The following STK24 variants were observed in gnomAD, a reference collection of about 807,000 sequenced individuals.
The protein encoded by STK24 is serine/threonine-protein kinase 24.
Under a neutral mutation model 55.6 loss-of-function variants are expected in STK24, and 21 were observed. That is an observed-to-expected ratio of 0.38 (90% CI 0.27 to 0.54). STK24 has a LOEUF of 0.54. STK24 is among the 20% of genes least tolerant of loss of function. The pLI, the probability that STK24 is intolerant of heterozygous loss-of-function variation, is 0.79. For missense variants in STK24, 383 were observed against 538.4 expected (o/e 0.71, Z 2.86); for synonymous variants, 200 against 215.2 (o/e 0.93, Z 0.62).
chr13:98,464,934 C>T (rs1402767611), intron 6 of STK24, among the ~76,000 whole-genome samples: 4 of 152,306 alleles, frequency 2.6e-5, no homozygotes, highest in East Asian at 1.9e-4. Flanking sequence ...CAACTGGATG[C>T]GCTTCACCAC....
At chr13:98,549,786 G>A (rs1381667239) in intron 1 of STK24, among the ~76,000 whole-genome samples, 1 of 152,110 alleles carries the variant, frequency 6.6e-6, no homozygotes, top group Non-Finnish European at 1.5e-5. Context: ...CCTGAGACAG[G>A]CACTAATTCC....
At chr13:98,484,707 A>C (rs1313247280) in intron 2 of STK24, among the ~76,000 whole-genome samples, 2 of 152,144 alleles carry the variant, frequency 1.3e-5, no homozygotes, top group East Asian at 1.9e-4. Context: ...CCTTTTAAGG[A>C]GCCCTAGCAA....
chr13:98,472,983 C>G (rs1894209272), intron 5 of STK24, among the ~76,000 whole-genome samples: 1 of 151,920 alleles, frequency 6.6e-6, no homozygotes, highest in African/African-American at 2.4e-5. Context: ...GCCTTCTGCC[C>G]CGCCACTCTC....
intron 2 of STK24, among the ~76,000 whole-genome samples, chr13:98,518,165 G>C (rs1445783990): frequency 6.6e-6 from 1 of 152,016 alleles, no homozygotes; most frequent in Non-Finnish European, 1.5e-5. Context: ...TTTACACAAG[G>C]GATAAAAAAG....
chr13:98,539,245 T>C (rs565780219), intron 1 of STK24, among the ~76,000 whole-genome samples: 1 of 152,356 alleles, frequency 6.6e-6, no homozygotes, highest in East Asian at 1.9e-4. Context: ...ATGCAACTCT[T>C]TTTGTGATTC....
chr13:98,466,583 T>C, intron 5 of STK24, 22 bp from the exon 6 acceptor site: 4 of 1,610,478 alleles, frequency 2.5e-6, no homozygotes, highest in African/African-American at 2.7e-5. Flanking sequence ...AAAGCATCTT[T>C]ACAAACACCA....
chr13:98,464,130 T>C (rs17574378), intron 6 of STK24, among the ~76,000 whole-genome samples: 43,824 of 152,072 alleles, frequency 0.29, 6,485 homozygotes, highest in African/African-American at 0.33. Flanking sequence ...AGAGCTTAAA[T>C]GATCTGGTCG....
rs748069927 is a variant in STK24, at chr13:98,446,056, C to T, written c.*7117G>A. On this transcript the variant is annotated 3_prime_UTR_variant, in exon 11 of 11. Transcript: ENST00000539966. ...AGCTGCTCTCTGTGCCCTCCTGGGG[C>T]AGGTGCCCGCTGTGCTTCTCACAGG... is the stretch of plus-strand genomic sequence containing the variant. 13 of 1,348,836 alleles carry T rather than the reference C, an allele frequency of 9.6e-6. No individual in the cohort carries two copies. In the East Asian group the frequency reaches 3.0e-4, roughly 31 times the overall value. The allele number at this position is 1,348,836 out of a possible 1,614,324, so 83.6% of individuals were successfully genotyped here. A position where few individuals can be genotyped will look rare whatever the true frequency, so the allele number is the denominator to read the frequency against.
rs560546823 is a variant in STK24 at position 98,513,194 on chromosome 13, T to C, written c.273+6049A>G. Among the ~76,000 whole-genome samples, 39 of 152,364 alleles carry C rather than the reference T, an allele frequency of 2.6e-4. No individual in the cohort carries two copies. In the South Asian group the frequency reaches 6.0e-3, roughly 23 times the overall value. ...CTCATGATGCTGGCAAAGCCTGCAC[T>C]GGGTCCTGCCACGGACATCATGGTG... On this transcript the variant is annotated intron_variant, in intron 2 of 10. Coordinates refer to ENST00000539966, the MANE Select transcript of STK24 (RefSeq NM_001032296.4).
intron 1 of STK24, among the ~76,000 whole-genome samples, chr13:98,566,505 G>A (rs1897574739): frequency 6.6e-6 from 1 of 152,178 alleles, no homozygotes; most frequent in Non-Finnish European, 1.5e-5. Context: ...CATAAGCCTC[G>A]GTTTTCTCAT....
At chr13:98,455,237 G>A (rs1213584192) in intron 10 of STK24, 5 of 152,158 alleles carry the variant, frequency 3.3e-5, no homozygotes, top group Non-Finnish European at 7.3e-5. Context: ...ACTAGAAAAT[G>A]TAAAATTCTC....
At chr13:98,571,954 A>G (rs1183134650) in intron 1 of STK24, among the ~76,000 whole-genome samples, 5 of 152,056 alleles carry the variant, frequency 3.3e-5, no homozygotes, top group Admixed American at 2.6e-4. Flanking sequence ...CCCAAAGAAC[A>G]GGAGATCATC....
At chr13:98,562,939 TA>T (rs199965383) in intron 1 of STK24, among the ~76,000 whole-genome samples, 1 of 130,590 alleles carries the variant, frequency 7.7e-6, no homozygotes, top group Admixed American at 7.6e-5. Context: ...AAAAAAAAGG[TA>T]AAAAAAATTA....
chr13:98,478,416 C>A (rs1360125433), intron 3 of STK24, among the ~76,000 whole-genome samples: 1 of 152,220 alleles, frequency 6.6e-6, no homozygotes, highest in Non-Finnish European at 1.5e-5. Context: ...GTGGGTCAGA[C>A]AGGAGCAAAT....
At chr13:98,472,435 G>A (rs1235139001) in intron 5 of STK24, among the ~76,000 whole-genome samples, 3 of 152,222 alleles carry the variant, frequency 2.0e-5, no homozygotes, top group Non-Finnish European at 4.4e-5. Flanking sequence ...GTTCTCATGT[G>A]AGCAGTGATG....
intron 1 of STK24, among the ~76,000 whole-genome samples, chr13:98,551,147 A>G (rs1340990116): frequency 3.3e-5 from 5 of 151,838 alleles, no homozygotes; most frequent in African/African-American, 7.3e-5. Context: ...TTAGCCGGGC[A>G]TGGTGGCGGG....
chr13:98,571,399 G>T (rs1377980972), intron 1 of STK24, among the ~76,000 whole-genome samples: 1 of 152,132 alleles, frequency 6.6e-6, no homozygotes, highest in African/African-American at 2.4e-5. Flanking sequence ...TAACTGCTCA[G>T]CACAGTTAGC....
chr13:98,559,866 G>A (rs935638893), intron 1 of STK24, among the ~76,000 whole-genome samples: 1 of 151,676 alleles, frequency 6.6e-6, no homozygotes, highest in Non-Finnish European at 1.5e-5. Flanking sequence ...AAAAAGCCAG[G>A]CACTGTGGCA....
At chr13:98,549,132 C>T (rs1897102317) in intron 1 of STK24, among the ~76,000 whole-genome samples, 1 of 152,124 alleles carries the variant, frequency 6.6e-6, no homozygotes, top group Admixed American at 6.5e-5. Context: ...TTCTTCTGAC[C>T]ATCTGAAACA....
Sources: allele counts gnomAD v4.1 joint callset (sites outside exome capture counted in the v4.1 genomes callset), GRCh38; gene constraint gnomAD v4.1.1; transcripts MANE v1.5; gene names NCBI Gene and HGNC (gene_info 2026-07-23, HGNC 2026-07-21).